The following PRKN variants were observed in gnomAD, a reference collection of about 807,000 sequenced individuals.
PRKN encodes E3 ubiquitin-protein ligase parkin.
Under a neutral mutation model 59.5 loss-of-function variants are expected in PRKN, and 56 were observed. That is an observed-to-expected ratio of 0.94 (90% CI 0.76 to 1.18). The LOEUF is 1.18. Ranked by LOEUF, PRKN falls within the 50% of genes most tolerant of loss-of-function variation. PRKN has a pLI of 0.00. For missense variants in PRKN, 657 were observed against 596.4 expected, an observed-to-expected ratio of 1.10 and a Z score of -1.06; for synonymous variants, 250 against 222.1, an observed-to-expected ratio of 1.13 and a Z score of -1.12.
intron 2 of PRKN, among the ~76,000 whole-genome samples, chr6:162,404,154 G>A (rs1038193960): frequency 2.0e-5 from 3 of 151,690 alleles, no homozygotes; most frequent in African/African-American, 7.3e-5. Flanking sequence ...GGCGGATCAC[G>A]AGGTCAGGAG....
At chr6:162,684,607 G>A (rs1024478807) in intron 1 of PRKN, among the ~76,000 whole-genome samples, 3 of 152,084 alleles carry the variant, frequency 2.0e-5, no homozygotes, top group South Asian at 4.1e-4. Flanking sequence ...GCTGATTCTC[G>A]AAACTTCTGT....
At position 161,451,933 on chromosome 6, in the gene PRKN, C is replaced by A. The variant is rs1296220160; in HGVS notation, c.1084-65056G>T. ...CATTCTTTTTTTTCTTTTTTCTTTTCTTTTCTTTTACTTTTTTCTTTTCTT... is the reference window on the plus strand; with the variant it reads ...CATTCTTTTTTTTCTTTTTTCTTTTATTTTCTTTTACTTTTTTCTTTTCTT... On this transcript the variant is annotated intron_variant, in intron 9 of 11. Transcript: ENST00000366898. The surrounding 1 kb of genome is among the most constrained non-coding windows in gnomAD (Gnocchi z 5.9). 6.9e-6 allele frequency among the ~76,000 whole-genome samples: 1 copy of A among 145,902 alleles called. No homozygotes were observed. Among genetic ancestry groups the A allele is most frequent in the East Asian group, 1.9e-4 (1 of 5,154 alleles).
At chr6:161,701,495 A>C (rs1467751481) in intron 7 of PRKN, among the ~76,000 whole-genome samples, 1 of 152,216 alleles carries the variant, frequency 6.6e-6, no homozygotes, top group Non-Finnish European at 1.5e-5. Flanking sequence ...CAATTCATAT[A>C]AATTTAAAAG....
Position 161,734,934 on chromosome 6 carries a change from T to C in PRKN, c.871+50838A>G, listed in dbSNP as rs184049927. On this transcript the variant is annotated intron_variant, in intron 7 of 11. Transcript: ENST00000366898. ...ATCACCACTAATAATTTCCTTTTAA[T>C]TAAACACATGCTTACAAACACAATT... Among the ~76,000 whole-genome samples the C allele has an allele frequency of 2.3e-3, 353 of 152,026 alleles. 4 individuals carry two copies. Among genetic ancestry groups the C allele is most frequent in the African/African-American group, 8.3e-3 (346 of 41,458 alleles).
Position 161,386,375 on chromosome 6 carries a change from T to A in PRKN, c.1167+419A>T, listed in dbSNP as rs998964082. Among the ~76,000 whole-genome samples the A allele has an allele frequency of 7.2e-5, 11 of 152,232 alleles. No individual in the cohort carries two copies. The highest frequency in any genetic ancestry group is 2.7e-4 in the African/African-American group (11 of 41,454). Reference sequence around the variant, plus strand: ...GCTAAAGGACAATGATATCCTTACATAATGTCATCTTTCTGTACATGCCAC... The same window carrying A: ...GCTAAAGGACAATGATATCCTTACAAAATGTCATCTTTCTGTACATGCCAC... On this transcript the variant is annotated intron_variant, in intron 10 of 11. Transcript: ENST00000366898. The surrounding 1 kb of genome is among the most constrained non-coding windows in gnomAD (Gnocchi z 4.3).
intron 1 of PRKN, among the ~76,000 whole-genome samples, chr6:162,712,979 C>T (rs1372330019): frequency 6.6e-6 from 1 of 152,156 alleles, no homozygotes; most frequent in African/African-American, 2.4e-5. Context: ...CTTCACCACA[C>T]TAGAGTGTGG....
intron 7 of PRKN, among the ~76,000 whole-genome samples, chr6:161,573,372 A>C (rs1200579420): frequency 2.6e-5 from 4 of 152,116 alleles, no homozygotes; most frequent in African/African-American, 9.7e-5. Context: ...TATAAGCATA[A>C]AGTATTTATA....
intron 4 of PRKN, among the ~76,000 whole-genome samples, chr6:162,135,941 T>A (rs1169924275): frequency 6.6e-6 from 1 of 152,022 alleles, no homozygotes; most frequent in Admixed American, 6.6e-5. Context: ...CAGTCTTTAT[T>A]CAAAAGCCCA....
In PRKN at chr6:161,763,928, A is replaced by G. The variant is rs184344527; in HGVS notation, c.871+21844T>C. 1.4e-3 allele frequency among the ~76,000 whole-genome samples: 210 copies of G among 152,074 alleles called. 1 individual carries two copies. Among genetic ancestry groups the G allele is most frequent in the African/African-American group, 4.8e-3 (200 of 41,482 alleles). ...TCACCTCTCCTCTTGCCCCTTTGCA[A>G]CCATTTTCCTCCCTCCAGCAGGAGT... On this transcript the variant is annotated intron_variant, in intron 7 of 11. Transcript: ENST00000366898.
At chr6:162,359,079 A>ATGT in intron 2 of PRKN, among the ~76,000 whole-genome samples, 1 of 83,248 alleles carries the variant, frequency 1.2e-5, no homozygotes, top group East Asian at 2.8e-4. Flanking sequence ...AAAAAAAAAA[A>ATGT]ATATATATAT....
At chr6:161,757,248 TA>T (rs1281773776) in intron 7 of PRKN, among the ~76,000 whole-genome samples, 13 of 152,250 alleles carry the variant, frequency 8.5e-5, no homozygotes, top group South Asian at 6.2e-4. Context: ...TAACTGAAAT[TA>T]AAAACTTCTG....
intron 4 of PRKN, among the ~76,000 whole-genome samples, chr6:162,091,090 T>C (rs1391532537): frequency 6.9e-6 from 1 of 144,178 alleles, no homozygotes; most frequent in East Asian, 2.1e-4. Context: ...TTGTTACAGA[T>C]TTATTTATTT....
chr6:161,622,467 T>C (rs1413661789), intron 7 of PRKN, among the ~76,000 whole-genome samples: 2 of 152,104 alleles, frequency 1.3e-5, no homozygotes, highest in Non-Finnish European at 2.9e-5. Flanking sequence ...CTGAAGCCAC[T>C]GTGCTCCTGC....
intron 7 of PRKN, among the ~76,000 whole-genome samples, chr6:161,661,905 C>T (rs1248093948): frequency 2.6e-5 from 4 of 152,000 alleles, no homozygotes; most frequent in Admixed American, 6.5e-5. Flanking sequence ...CACCTGGAAT[C>T]CCAGCTACTC....
Position 161,348,092 on chromosome 6 carries a change from T to G in PRKN, c.*2007A>C, listed in dbSNP as rs1249094123. The G allele has an allele frequency of 5.3e-6, 1 of 188,674 alleles. No homozygotes were observed. The highest frequency in any genetic ancestry group is 1.1e-5 in the Non-Finnish European group (1 of 89,902). The allele number at this position is 188,674 out of a possible 1,614,324, so 11.7% of individuals were successfully genotyped here. ...CGCAAGCCCAACGCAGCATGCAGAT[T>G]GGGAAGGCGCAATAATGCAAACACC... On this transcript the variant is annotated 3_prime_UTR_variant, in exon 12 of 12. Coordinates refer to ENST00000366898, the MANE Select transcript of PRKN (RefSeq NM_004562.3). The surrounding 1 kb of genome is among the most constrained non-coding windows in gnomAD (Gnocchi z 4.9).
At chr6:162,212,175 C>T (rs1785231069) in intron 3 of PRKN, among the ~76,000 whole-genome samples, 1 of 152,084 alleles carries the variant, frequency 6.6e-6, no homozygotes. Flanking sequence ...CTCTCCTACC[C>T]TAAACACTCC....
At chr6:162,153,029 AT>A (rs1336261796) in intron 4 of PRKN, among the ~76,000 whole-genome samples, 2 of 152,360 alleles carry the variant, frequency 1.3e-5, no homozygotes, top group Non-Finnish European at 2.9e-5. Context: ...TTAAACAGAT[AT>A]TTTAAATGCC....
At chr6:161,888,447 T>C (rs1254110871) in intron 6 of PRKN, among the ~76,000 whole-genome samples, 1 of 152,148 alleles carries the variant, frequency 6.6e-6, no homozygotes, top group Non-Finnish European at 1.5e-5. Flanking sequence ...CCTCACACCA[T>C]ACGGTCTTGC....
rs1338831506 is a variant in PRKN, at chr6:161,369,402, G to T, written c.1168-9197C>A. 6.6e-6 allele frequency among the ~76,000 whole-genome samples: 1 copy of T among 152,140 alleles called. No homozygotes were observed. Among genetic ancestry groups the T allele is most frequent in the South Asian group, 2.1e-4 (1 of 4,818 alleles). On this transcript the variant is annotated intron_variant, in intron 10 of 11. Coordinates refer to ENST00000366898, the MANE Select transcript of PRKN (RefSeq NM_004562.3). This position sits in a 1 kb window ranked among gnomAD's most constrained non-coding sequence, Gnocchi z 5.8. ...GGGAACCATTCATCCTCTGGAGGGC[G>T]ATTCTCCCTTTGCGCCTGAAGAGGA... is the stretch of plus-strand genomic sequence containing the variant.
Sources: allele counts gnomAD v4.1 joint callset (sites outside exome capture counted in the v4.1 genomes callset), GRCh38; gene constraint gnomAD v4.1.1; non-coding constraint Gnocchi (gnomAD v3.1); transcripts MANE v1.5; gene names NCBI Gene and HGNC (gene_info 2026-07-23, HGNC 2026-07-21).